NTRK2: variants seen among roughly 807,000 people sequenced by gnomAD.
NTRK2 encodes neurotrophic receptor tyrosine kinase 2.
NTRK2 carries 13 observed loss-of-function variants against 94.5 expected under a neutral mutation model. The ratio of observed to expected loss-of-function variants is 0.14; its 90% CI spans 0.09 to 0.22. The LOEUF (loss-of-function observed/expected upper bound fraction) is 0.22. NTRK2 is among the 10% of genes least tolerant of loss of function. The pLI, the probability that NTRK2 is intolerant of heterozygous loss-of-function variation, is 1.00. For missense variants in NTRK2, 639 were observed against 1,071.2 expected (o/e 0.60, Z 5.63); for synonymous variants, 372 against 407.4 (o/e 0.91, Z 1.05).
intron 8 of NTRK2, among the ~76,000 whole-genome samples, chr9:84,725,663 T>C (rs1003243364): frequency 6.7e-6 from 1 of 148,366 alleles, no homozygotes; most frequent in East Asian, 1.9e-4. Flanking sequence ...ATATATATTA[T>C]GTATATATAT....
At chr9:84,705,682 A>G (rs567289829) in intron 4 of NTRK2, among the ~76,000 whole-genome samples, 10 of 152,038 alleles carry the variant, frequency 6.6e-5, no homozygotes, top group Admixed American at 5.9e-4. Context: ...TGTTTTAGAA[A>G]GATTGGGACT....
intron 12 of NTRK2, among the ~76,000 whole-genome samples, chr9:84,797,856 A>G (rs2069786236): frequency 1.1e-5 from 1 of 90,736 alleles, no homozygotes; most frequent in Non-Finnish European, 2.1e-5. Context: ...TATATTATAT[A>G]TACTATAATA....
At chr9:84,693,108 A>G (rs181766263) in intron 2 of NTRK2, among the ~76,000 whole-genome samples, 1 of 152,234 alleles carries the variant, frequency 6.6e-6, no homozygotes, top group Non-Finnish European at 1.5e-5. Flanking sequence ...TTTAAATGTG[A>G]AAATTTTCAA....
At chr9:84,710,500 T>C (rs2061361386) in intron 5 of NTRK2, 137 bp from the exon 6 acceptor site, 7 of 844,588 alleles carry the variant, frequency 8.3e-6, no homozygotes, top group Non-Finnish European at 1.4e-5. Context: ...TAATAAGTAC[T>C]GTCATGCTAT....
chr9:84,905,139 G>A (rs758751530), intron 14 of NTRK2, among the ~76,000 whole-genome samples: 6 of 152,160 alleles, frequency 3.9e-5, no homozygotes, highest in Non-Finnish European at 4.4e-5. Flanking sequence ...AAACACGAGT[G>A]GCAAATGGAG....
chr9:84,691,625 G>C (rs970686032), intron 2 of NTRK2, among the ~76,000 whole-genome samples: 5 of 152,172 alleles, frequency 3.3e-5, no homozygotes, highest in African/African-American at 1.2e-4. Flanking sequence ...TGTTCAGGTG[G>C]AAGCTACCCT....
At chr9:84,693,192 C>A (rs1036263642) in intron 2 of NTRK2, among the ~76,000 whole-genome samples, 15 of 152,178 alleles carry the variant, frequency 9.9e-5, no homozygotes, top group African/African-American at 3.6e-4. Flanking sequence ...CGACCACGTG[C>A]TTTTGACTGT....
intron 17 of NTRK2, among the ~76,000 whole-genome samples, chr9:84,976,281 G>A (rs986833178): frequency 9.9e-5 from 15 of 152,146 alleles, no homozygotes; most frequent in Non-Finnish European, 1.8e-4. Context: ...TTCTTGCTGT[G>A]TCCCTGTGTG....
intron 9 of NTRK2, among the ~76,000 whole-genome samples, chr9:84,737,976 G>C (rs777113782): frequency 6.6e-6 from 1 of 151,546 alleles, no homozygotes; most frequent in Non-Finnish European, 1.5e-5. Flanking sequence ...CAGATCTGCA[G>C]ACCTTGGTAC....
At chr9:84,802,180 T>C (rs897988916) in intron 12 of NTRK2, among the ~76,000 whole-genome samples, 3 of 152,240 alleles carry the variant, frequency 2.0e-5, no homozygotes, top group Non-Finnish European at 4.4e-5. Context: ...GCATTTTTTT[T>C]CCAGTGTCTT....
At chr9:84,730,466 C>T (rs546222647) in intron 9 of NTRK2, among the ~76,000 whole-genome samples, 9 of 127,224 alleles carry the variant, frequency 7.1e-5, no homozygotes, top group African/African-American at 1.2e-4. Context: ...ATAGGCCGGG[C>T]GCGGTGGCTC....
chr9:84,840,009 C>T (rs770648799), intron 12 of NTRK2, among the ~76,000 whole-genome samples: 1 of 152,084 alleles, frequency 6.6e-6, no homozygotes, highest in Admixed American at 6.5e-5. Flanking sequence ...TTTCATTCCT[C>T]GTTCTTTCCC....
chr9:84,720,213 AG>A (rs1328493417), intron 6 of NTRK2, among the ~76,000 whole-genome samples: 1 of 152,136 alleles, frequency 6.6e-6, no homozygotes, highest in Admixed American at 6.5e-5. Context: ...GTGAGAGTAC[AG>A]GGAACACCAA....
At chr9:84,683,992 G>A (rs371034464) in intron 2 of NTRK2, among the ~76,000 whole-genome samples, 3 of 152,192 alleles carry the variant, frequency 2.0e-5, no homozygotes, top group East Asian at 1.9e-4. Flanking sequence ...CCACATAAAC[G>A]TCTTGTTTTG....
intron 14 of NTRK2, among the ~76,000 whole-genome samples, chr9:84,896,463 T>C (rs1378221306): frequency 6.6e-6 from 1 of 152,212 alleles, no homozygotes. Context: ...TTCTAATCAC[T>C]TGTGAAACCC....
intron 14 of NTRK2, among the ~76,000 whole-genome samples, chr9:84,881,621 T>G (rs1415161241): frequency 6.6e-6 from 1 of 152,244 alleles, no homozygotes; most frequent in African/African-American, 2.4e-5. Context: ...GTCATCTTAC[T>G]GTAGCTTTGG....
chr9:84,719,178 C>T (rs978069046), intron 6 of NTRK2, among the ~76,000 whole-genome samples: 2 of 152,044 alleles, frequency 1.3e-5, no homozygotes, highest in African/African-American at 2.4e-5. Context: ...AAGACCCTGA[C>T]CTTTGAGTTC....
intron 9 of NTRK2, among the ~76,000 whole-genome samples, chr9:84,733,993 T>C (rs1404501956): frequency 6.6e-6 from 1 of 152,216 alleles, no homozygotes; most frequent in Non-Finnish European, 1.5e-5. Context: ...AGAGCAGCTT[T>C]GCTGCAGTGG....
At chr9:84,979,783 C>T (rs1283287113) in intron 17 of NTRK2, among the ~76,000 whole-genome samples, 1 of 152,146 alleles carries the variant, frequency 6.6e-6, no homozygotes, top group African/African-American at 2.4e-5. Context: ...TTGCCACAGC[C>T]ACCCCAACCT....
Sources: allele counts gnomAD v4.1 joint callset (sites outside exome capture counted in the v4.1 genomes callset), GRCh38; gene constraint gnomAD v4.1.1; transcripts MANE v1.5; gene names NCBI Gene and HGNC (gene_info 2026-07-23, HGNC 2026-07-21).